The following CDRT4 variants were observed in gnomAD, a reference collection of about 807,000 sequenced individuals.
CDRT4 encodes the protein CMT1A duplicated region transcript 4, also known as CMT1A duplicated region transcript 4 protein.
For missense variants in CDRT4, 167 were observed against 193.1 expected (o/e 0.87, Z 0.80); for synonymous variants, 64 against 69.6 (o/e 0.92, Z 0.40).
chr17:15,438,362 A>G (rs1295103736), intron 3 of CDRT4, among the ~76,000 whole-genome samples, 162 bp from the exon 4 acceptor site: 1 of 152,220 alleles, frequency 6.6e-6, no homozygotes, highest in Non-Finnish European at 1.5e-5. Flanking sequence ...GGGGAACAGA[A>G]CGACATCCTA....
intron 2 of CDRT4, among the ~76,000 whole-genome samples, chr17:15,443,079 C>G (rs1011755035): frequency 1.3e-5 from 2 of 152,222 alleles, no homozygotes; most frequent in African/African-American, 4.8e-5. Context: ...CCCACTCCCC[C>G]GCTCAATCTC....
chr17:15,441,856 C>T (rs923538226), intron 2 of CDRT4, among the ~76,000 whole-genome samples: 1 of 152,158 alleles, frequency 6.6e-6, no homozygotes, highest in African/African-American at 2.4e-5. Flanking sequence ...TTCACAATGT[C>T]ATTATTCTGA....
chr17:15,437,986 G>A lies in CDRT4; in HGVS notation c.246C>T (p.Ser82=). The part of the protein sequence containing the change: ...SVIQPKRRKS[S]KSSGKAVFRD... ...TGAACACAGCTTTGCCAGAAGACTT[G>A]GAAGACTTCCTCCTTTTCGGCTGAA... is the stretch of plus-strand genomic sequence containing the variant. The change falls in exon 4 of 4, where the codon TCC becomes TCT. Residue 82 remains serine (S), a synonymous_variant. Transcript: ENST00000619038. 6.2e-7 allele frequency: 1 copy of A among 1,614,154 alleles called. No individual in the cohort carries two copies. The highest frequency in any genetic ancestry group is 1.1e-5 in the South Asian group (1 of 91,074).
intron 1 of CDRT4, among the ~76,000 whole-genome samples, chr17:15,462,500 G>A (rs1979804165): frequency 6.6e-6 from 1 of 151,854 alleles, no homozygotes; most frequent in Non-Finnish European, 1.5e-5. Context: ...CCTACTTTGG[G>A]GCTGGGTCCT....
Position 15,437,954 on chromosome 17 carries a change from G to A in CDRT4, c.278C>T (p.Thr93Met), listed in dbSNP as rs371852022. 1.2e-5 allele frequency: 19 copies of A among 1,614,070 alleles called. No individual in the cohort carries two copies. Among genetic ancestry groups the A allele is most frequent in the East Asian group, 4.5e-5 (2 of 44,888 alleles). The change falls in exon 4 of 4, where the codon ACG becomes ATG. Residue 93 changes from threonine to methionine, a missense_variant. Thr to Met is a moderately conservative substitution (Grantham distance 81). Transcript: ENST00000619038. ...CATTGATAACGTGGATTCTGACAGC[G>A]TGTCCCTGAACACAGCTTTGCCAGA... is the stretch of plus-strand genomic sequence containing the variant. ...KSSGKAVFRD[T>M]LSESTLSMWG... is the part of the protein sequence containing the mutation.
chr17:15,445,479 T>A (rs966018160), intron 2 of CDRT4, among the ~76,000 whole-genome samples: 1 of 152,230 alleles, frequency 6.6e-6, no homozygotes, highest in African/African-American at 2.4e-5. Flanking sequence ...ATATGCAGCA[T>A]CCCCTAATCT....
At chr17:15,458,437 G>T (rs1035357127) in intron 1 of CDRT4, among the ~76,000 whole-genome samples, 1 of 152,060 alleles carries the variant, frequency 6.6e-6, no homozygotes, top group Non-Finnish European at 1.5e-5. Flanking sequence ...CATTAGGAAC[G>T]TTCAAGGAGA....
chr17:15,442,413 GAA>G (rs780450074), intron 2 of CDRT4, among the ~76,000 whole-genome samples: 8 of 110,034 alleles, frequency 7.3e-5, no homozygotes, highest in Admixed American at 1.9e-4. Context: ...CCGTCTCCAA[GAA>G]AAAAAAAAAA....
At position 15,437,041 on chromosome 17, in the gene CDRT4, T is replaced by A. The variant is rs899242841; in HGVS notation, c.*732A>T. ...CCAGACAGGTTGCTAACCCTAGCAG[T>A]GCTTTTTCTTCACCCAGGCAGTGGC... On this transcript the variant is annotated 3_prime_UTR_variant, in exon 4 of 4. Transcript: ENST00000619038. The A allele has an allele frequency of 7.2e-5, 11 of 152,250 alleles. No individual in the cohort carries two copies. Among genetic ancestry groups the A allele is most frequent in the African/African-American group, 2.4e-4 (10 of 41,424 alleles). The allele number at this position is 152,250 out of a possible 1,614,324, so 9.4% of individuals were successfully genotyped here.
At chr17:15,457,965 G>C (rs552065174) in intron 1 of CDRT4, among the ~76,000 whole-genome samples, 1 of 152,120 alleles carries the variant, frequency 6.6e-6, no homozygotes, top group Admixed American at 6.6e-5. Flanking sequence ...GAAGGAAACA[G>C]AGAGGGGCTC....
chr17:15,457,853 G>A (rs561735146), intron 1 of CDRT4, among the ~76,000 whole-genome samples: 23 of 152,304 alleles, frequency 1.5e-4, no homozygotes, highest in African/African-American at 5.3e-4. Flanking sequence ...TCCTCTCCCA[G>A]GGAAACATGG....
At chr17:15,459,212 G>C (rs1320037356) in intron 1 of CDRT4, among the ~76,000 whole-genome samples, 1 of 152,048 alleles carries the variant, frequency 6.6e-6, no homozygotes, top group African/African-American at 2.4e-5. Context: ...TTTTGCAGAA[G>C]AGGCAGGAAC....
At chr17:15,459,881 G>T (rs1179610053) in intron 1 of CDRT4, among the ~76,000 whole-genome samples, 1 of 151,976 alleles carries the variant, frequency 6.6e-6, no homozygotes, top group Non-Finnish European at 1.5e-5. Context: ...TGACCTGTTG[G>T]CAAGGGAGCC....
intron 1 of CDRT4, among the ~76,000 whole-genome samples, chr17:15,462,399 G>A (rs1979793664): frequency 8.0e-6 from 1 of 124,952 alleles, no homozygotes; most frequent in African/African-American, 3.0e-5. Context: ...CTGCACTCCA[G>A]CCTGGGCAAC....
At chr17:15,447,456 G>A (rs1363386985) in intron 2 of CDRT4, among the ~76,000 whole-genome samples, 2 of 152,172 alleles carry the variant, frequency 1.3e-5, no homozygotes, top group Non-Finnish European at 1.5e-5. Context: ...TTCCCCACTC[G>A]GGATCCATGT....
Position 15,436,391 on chromosome 17 carries a change from C to T in CDRT4, c.*1382G>A, listed in dbSNP as rs530841477. 2.0e-5 allele frequency: 3 copies of T among 152,382 alleles called. No homozygotes were observed. The highest frequency in any genetic ancestry group is 6.5e-5 in the Admixed American group (1 of 15,306). 9.4% of individuals were successfully genotyped at this position (152,382 alleles called of 1,614,324 possible). On this transcript the variant is annotated 3_prime_UTR_variant, in exon 4 of 4. Transcript: ENST00000619038. ...ATTAGTATTAACTGTCTTGCAAATA[C>T]ACATACAGAAACTCAGGTAAGGTCA...
intron 2 of CDRT4, among the ~76,000 whole-genome samples, chr17:15,442,139 G>A (rs1469965633): frequency 2.0e-5 from 3 of 152,100 alleles, no homozygotes; most frequent in Non-Finnish European, 4.4e-5. Context: ...GGCTGGGCGC[G>A]GTAGCTCATG....
chr17:15,439,515 T>C (rs1978655068), intron 3 of CDRT4, among the ~76,000 whole-genome samples: 1 of 152,092 alleles, frequency 6.6e-6, no homozygotes, highest in African/African-American at 2.4e-5. Context: ...TCCAAGCAAA[T>C]GTAAGATCTT....
intron 1 of CDRT4, among the ~76,000 whole-genome samples, chr17:15,466,523 CTTTTT>C (rs920201019): frequency 6.6e-6 from 1 of 152,126 alleles, no homozygotes; most frequent in Non-Finnish European, 1.5e-5. Context: ...TTCTAAATTA[CTTTTT>C]TTAATTTTTA....
Sources: gnomAD v4.1 joint callset for allele counts (sites outside exome capture counted in the v4.1 genomes callset) on GRCh38, gnomAD v4.1.1 for gene constraint, MANE v1.5 for transcripts, NCBI Gene and HGNC (gene_info 2026-07-23, HGNC 2026-07-21) for gene names.